Variants in HAGH observed in about 807,000 individuals in gnomAD.
HAGH encodes the protein hydroxyacylglutathione hydrolase, mitochondrial.
Under a neutral mutation model 35.1 loss-of-function variants are expected in HAGH, and 29 were observed. The ratio of observed to expected loss-of-function variants is 0.83; its 90% CI spans 0.62 to 1.13. HAGH has a LOEUF of 1.13. HAGH is among the 50% of genes most tolerant of loss of function. The pLI, the probability that HAGH is intolerant of heterozygous loss-of-function variation, is 0.00. For missense variants in HAGH, 478 were observed against 419.6 expected, an observed-to-expected ratio of 1.14 and a Z score of -1.22; for synonymous variants, 225 against 176.1, an observed-to-expected ratio of 1.28 and a Z score of -2.20.
Position 1,817,263 on chromosome 16 carries a change from A to T in HAGH, c.550T>A (p.Leu184Met), listed in dbSNP as rs1217924134. The change falls in exon 6 of 9, where the codon TTG (leucine) becomes ATG (methionine). Residue 184 changes from leucine (L) to methionine (M), a missense_variant. Physicochemically the swap from Leu to Met is conservative, Grantham distance 15 (BLOSUM62 2). Transcript: ENST00000397356. Reference protein sequence around the residue: ...EPPAVFTGDTLFVAGCGKFYE... With the variant: ...EPPAVFTGDTMFVAGCGKFYE... Reference sequence around the variant, plus strand: ...AACTTCCCGCAGCCAGCCACAAACAAGGTGTCACCTGGAAACAAGGACAGC... The same window carrying T: ...AACTTCCCGCAGCCAGCCACAAACATGGTGTCACCTGGAAACAAGGACAGC... 6.2e-7 allele frequency: 1 copy of T among 1,609,012 alleles called. No individual in the cohort carries two copies. The highest frequency in any genetic ancestry group is 8.5e-7 in the Non-Finnish European group (1 of 1,175,404).
intron 3 of HAGH, chr16:1,821,954 T>TG (rs796844390): frequency 0.011 from 1,793 of 160,212 alleles, 41 homozygotes; most frequent in African/African-American, 0.044. Flanking sequence ...GTTTTTTTGT[T>TG]TTTTTTTTTT....
At chr16:1,827,086 C>T (rs1224031497), upstream of HAGH, 3 of 1,165,674 alleles carry the variant, frequency 2.6e-6, no homozygotes, top group Admixed American at 2.8e-5. Context: ...GGAGGCCGAG[C>T]GCCACGCCGC....
rs568657526 is a variant in HAGH at position 1,826,775 on chromosome 16, G to C, written c.13C>G (p.Arg5Gly). The C allele has an allele frequency of 3.3e-6, 4 of 1,210,208 alleles. No individual in the cohort carries two copies. The highest frequency in any genetic ancestry group is 3.1e-6 in the Non-Finnish European group (3 of 973,608). 75.0% of individuals were successfully genotyped at this position (1,210,208 alleles called of 1,614,324 possible). MVVG[R>G]GLLGRRSLAA... ...AGGCTGCGGCGGCCGAGCAGCCCTC[G>C]GCCCACCACCATGACCCGGGCCGGG... is the stretch of plus-strand genomic sequence containing the variant. The change falls in exon 1 of 9, where the codon CGA becomes GGA. Residue 5 changes from arginine to glycine, a missense_variant. Transcript: ENST00000397356.
At chr16:1,824,605 G>A (rs574064825) in intron 1 of HAGH, among the ~76,000 whole-genome samples, 2 of 152,294 alleles carry the variant, frequency 1.3e-5, no homozygotes, top group East Asian at 3.9e-4. Flanking sequence ...TAGGTGCCAC[G>A]GCAGGGGCTT....
chr16:1,816,967 T>C lies in HAGH; in HGVS notation c.673A>G (p.Ile225Val). The C allele has an allele frequency of 3.1e-6, 5 of 1,613,298 alleles. No individual in the cohort carries two copies. The highest frequency in any genetic ancestry group is 1.1e-5 in the South Asian group (1 of 91,064). ...TRVYCGHEYTINNLKFARHVE... is the reference protein window; with the variant it reads ...TRVYCGHEYTVNNLKFARHVE... ...TGGCGTGCAAACTTGAGGTTGTTGA[T>C]GGTGTACTCGTGGCCACAGTAGACT... is the stretch of plus-strand genomic sequence containing the variant. Residue 225 changes from isoleucine (I) to valine (V), a missense_variant, in exon 7 of 9, where the codon ATC (isoleucine) becomes GTC (valine). Ile to Val is a conservative substitution (Grantham distance 29). Transcript: ENST00000397356.
chr16:1,822,472 G>A (rs1178007275), intron 2 of HAGH, 108 bp from the exon 3 acceptor site: 15 of 860,156 alleles, frequency 1.7e-5, no homozygotes, highest in South Asian at 4.0e-5. Context: ...ATGAGGGGCC[G>A]CTGACATGGC....
chr16:1,822,232 T>G lies in HAGH; in HGVS notation c.314+68A>C, dbSNP rs532176231. ...AGCCGTGGGGGGAGACAGGCCTTGA[T>G]GTCCCTAAACCCACCGGGGCGAGAA... On this transcript the variant is annotated intron_variant, in intron 3 of 8. Coordinates refer to ENST00000397356, the MANE Select transcript of HAGH (RefSeq NM_005326.6). 25 of 981,492 alleles carry G rather than the reference T, an allele frequency of 2.5e-5. No homozygotes were observed. In the South Asian group the frequency reaches 3.3e-4, roughly 13 times the overall value. The allele number at this position is 981,492 out of a possible 1,614,324, so 60.8% of individuals were successfully genotyped here.
In HAGH at chr16:1,817,651, G is replaced by T. The variant is rs895975181; in HGVS notation, c.542-380C>A. 2.6e-5 allele frequency among the ~76,000 whole-genome samples: 4 copies of T among 152,328 alleles called. No homozygotes were observed. The South Asian group carries it at 8.3e-4, about 32-fold the overall frequency. ...TGGCCCCAGCAGCCAGCGCCACCCT[G>T]TGACCAAGGTCTCACCACCCTGGCT... On this transcript the variant is annotated intron_variant, in intron 5 of 8. Coordinates refer to ENST00000397356, the MANE Select transcript of HAGH (RefSeq NM_005326.6).
chr16:1,813,664 C>T lies in HAGH; in HGVS notation c.747+3229G>A, dbSNP rs140512047. Among the ~76,000 whole-genome samples, 381 of 152,262 alleles carry T rather than the reference C, an allele frequency of 2.5e-3. 1 individual carries two copies. The highest frequency in any genetic ancestry group is 8.5e-3 in the African/African-American group (355 of 41,544). ...CGCCACATCAGTTATCACAACAGTC[C>T]CAATCAGCAGCCAGGCTAGCTTTTC... On this transcript the variant is annotated intron_variant, in intron 7 of 8. Coordinates refer to ENST00000397356, the MANE Select transcript of HAGH (RefSeq NM_005326.6).
rs771221892 is a variant in HAGH, at chr16:1,808,926, C to T, written c.*357G>A. 7.6e-5 allele frequency: 18 copies of T among 238,020 alleles called. No homozygotes were observed. The highest frequency in any genetic ancestry group is 2.5e-4 in the African/African-American group (11 of 44,738). 14.7% of individuals were successfully genotyped at this position (238,020 alleles called of 1,614,324 possible). A position where few individuals can be genotyped will look rare whatever the true frequency, so the allele number is the denominator to read the frequency against. On this transcript the variant is annotated 3_prime_UTR_variant, in exon 9 of 9. Transcript: ENST00000397356. ...AAGCACAGGCTGCAAAGGTACCGAC[C>T]GCAGCAGTGGGCCTGACAGTCCCAT... is the stretch of plus-strand genomic sequence containing the variant.
rs138163037 is a variant in HAGH, at chr16:1,809,818, C to T, written c.763G>A (p.Gly255Arg). The change falls in exon 8 of 9, where the codon GGG becomes AGG. Residue 255 changes from glycine (G) to arginine (R), a missense_variant. Physicochemically the swap from Gly to Arg is moderately radical, Grantham distance 125 (BLOSUM62 -2). Transcript: ENST00000397356. ...AGGGTGGATGGCACTGTGGGCTCCC[C>T]GATGCTGTACTTCTCCTGCAAGAGA... ...LAWAKEKYSI[G>R]EPTVPSTLAE... The T allele has an allele frequency of 1.7e-4, 270 of 1,613,328 alleles. No individual in the cohort carries two copies. Among genetic ancestry groups the T allele is most frequent in the Middle Eastern group, 3.3e-4 (2 of 6,062 alleles).
At chr16:1,821,626 T>C (rs1326765641) in intron 3 of HAGH, 4 of 152,262 alleles carry the variant, frequency 2.6e-5, no homozygotes, top group Non-Finnish European at 4.4e-5. Context: ...CCTCTCCAGA[T>C]ATGGCTGCTT....
chr16:1,824,231 A>AAC (rs1160479327), intron 1 of HAGH, among the ~76,000 whole-genome samples: 2 of 150,638 alleles, frequency 1.3e-5, no homozygotes, highest in East Asian at 1.9e-4. Context: ...AAAAAAAAAA[A>AAC]AAACAAACAA....
At chr16:1,818,778 C>T (rs1342450290) in intron 5 of HAGH, 1 of 295,688 alleles carries the variant, frequency 3.4e-6, no homozygotes, top group African/African-American at 2.2e-5. Flanking sequence ...TGAGTCCACA[C>T]TACGGCATCA....
Position 1,826,816 on chromosome 16 carries a change from G to A in HAGH, c.-29C>T. 1.6e-6 allele frequency: 2 copies of A among 1,229,326 alleles called. No individual in the cohort carries two copies. Among genetic ancestry groups the A allele is most frequent in the Non-Finnish European group, 2.0e-6 (2 of 976,188 alleles). The allele number at this position is 1,229,326 out of a possible 1,614,324, so 76.2% of individuals were successfully genotyped here. A position where few individuals can be genotyped will look rare whatever the true frequency, so the allele number is the denominator to read the frequency against. On this transcript the variant is annotated 5_prime_UTR_variant, in exon 1 of 9. Transcript: ENST00000397356. ...CCGGGCCGGGCTGGACTGCCGAGCTGCCCAGGACTGCAAAACACCGGCGTC... is the reference window on the plus strand; with the variant it reads ...CCGGGCCGGGCTGGACTGCCGAGCTACCCAGGACTGCAAAACACCGGCGTC...
At chr16:1,821,118 G>C (rs9652784) in intron 3 of HAGH, among the ~76,000 whole-genome samples, 5,472 of 152,266 alleles carry the variant, frequency 0.036, 340 homozygotes, top group African/African-American at 0.12. Flanking sequence ...AGGCCAACGT[G>C]CTGAGAGACA....
intron 7 of HAGH, among the ~76,000 whole-genome samples, chr16:1,811,407 C>A (rs1046323061): frequency 8.6e-5 from 13 of 151,870 alleles, no homozygotes; most frequent in Non-Finnish European, 1.8e-4. Flanking sequence ...GAGCAAGACA[C>A]TGTCTCCCAA....
intron 5 of HAGH, 26 bp from the exon 6 acceptor site, chr16:1,817,297 G>A (rs1467532226): frequency 6.9e-7 from 1 of 1,448,524 alleles, no homozygotes; most frequent in South Asian, 1.1e-5. Flanking sequence ...GCCACGAGGT[G>A]GGGGCCACTT....
chr16:1,809,466 G>T (rs757128202), intron 8 of HAGH, 84 bp from the exon 9 acceptor site: 1 of 1,157,896 alleles, frequency 8.6e-7, no homozygotes, highest in Non-Finnish European at 1.3e-6. Context: ...AAGGCGACTC[G>T]TGCTGGCCGA....
Sources: gnomAD v4.1 joint callset for allele counts (sites outside exome capture counted in the v4.1 genomes callset) on GRCh38, gnomAD v4.1.1 for gene constraint, MANE v1.5 for transcripts, NCBI Gene and HGNC (gene_info 2026-07-23, HGNC 2026-07-21) for gene names.